Variants in TNR observed in about 807,000 individuals in gnomAD.
TNR encodes tenascin R.
A neutral mutation model predicts 150.4 loss-of-function variants in TNR; 45 were observed. The ratio of observed to expected loss-of-function variants is 0.30; its 90% confidence interval spans 0.24 to 0.38. The LOEUF is 0.38. Among genes scored for constraint, TNR ranks in the 10% least tolerant of loss-of-function variants. The pLI is 1.00. For missense variants in TNR, 1,544 were observed against 1,759.1 expected (o/e 0.88, Z 2.19); for synonymous variants, 687 against 678.4 (o/e 1.01, Z -0.20).
chr1:175,427,645 G>A (rs1655051866), intron 2 of TNR, among the ~76,000 whole-genome samples: 1 of 149,978 alleles, frequency 6.7e-6, no homozygotes, highest in Non-Finnish European at 1.5e-5. Flanking sequence ...ACAGGTATAT[G>A]AGAAGTGTTT....
chr1:175,396,933 T>C (rs1262683771), intron 4 of TNR, 126 bp from the exon 5 acceptor site: 2 of 1,260,710 alleles, frequency 1.6e-6, no homozygotes, highest in Non-Finnish European at 2.2e-6. Context: ...CTCAATGGCT[T>C]TAAGTGATTT....
In TNR at chr1:175,548,176, G is replaced by A. The variant is rs116369199; in HGVS notation, c.-164-19807C>T. 5.4e-3 allele frequency among the ~76,000 whole-genome samples: 822 copies of A among 152,190 alleles called. 3 individuals carry two copies. The highest frequency in any genetic ancestry group is 0.019 in the African/African-American group (782 of 41,502). On this transcript the variant is annotated intron_variant, in intron 1 of 22. Coordinates refer to ENST00000367674, the MANE Select transcript of TNR (RefSeq NM_003285.3). ...ACGCAGAGGCTCTGGGCACTTCTGC[G>A]GAGAGGAATCTCAGATCCTCCCTAG...
chr1:175,697,022 T>G (rs776583396), intron 1 of TNR, among the ~76,000 whole-genome samples: 3 of 150,590 alleles, frequency 2.0e-5, no homozygotes, highest in Non-Finnish European at 4.4e-5. Context: ...GAGTGTAGTT[T>G]GTGAATAACA....
At chr1:175,441,260 A>G (rs1487011838) in intron 2 of TNR, among the ~76,000 whole-genome samples, 1 of 152,100 alleles carries the variant, frequency 6.6e-6, no homozygotes, top group East Asian at 1.9e-4. Context: ...TTGGAGGTGT[A>G]ATTTCACTCT....
chr1:175,472,193 G>T (rs859409), intron 2 of TNR, among the ~76,000 whole-genome samples: 2,305 of 152,182 alleles, frequency 0.015, 58 homozygotes, highest in African/African-American at 0.052. Flanking sequence ...TCTATACAGG[G>T]TCAGGATCAT....
At chr1:175,581,644 C>T (rs1457914366) in intron 1 of TNR, among the ~76,000 whole-genome samples, 1 of 152,200 alleles carries the variant, frequency 6.6e-6, no homozygotes, top group Admixed American at 6.5e-5. Context: ...GACTTCACTA[C>T]AATGAAGCTT....
At chr1:175,713,618 C>G (rs909631008) in intron 1 of TNR, among the ~76,000 whole-genome samples, 1 of 152,192 alleles carries the variant, frequency 6.6e-6, no homozygotes, top group Admixed American at 6.5e-5. Context: ...TCAATCATCA[C>G]CAAAACCCAG....
In TNR at chr1:175,396,634, C is replaced by T; in HGVS notation, c.1150G>A (p.Glu384Lys). 1 of 1,614,244 alleles carries T rather than the reference C, an allele frequency of 6.2e-7. No individual in the cohort carries two copies. Among genetic ancestry groups the T allele is most frequent in the Non-Finnish European group, 8.5e-7 (1 of 1,180,048 alleles). Residue 384 changes from glutamate to lysine, a missense_variant, in exon 5 of 23, where the codon GAG becomes AAG. Glu to Lys is a moderately conservative substitution (Grantham distance 56). This residue lies in a region of TNR where 1,254 missense variants were observed against 1,329.4 expected (regional missense o/e 0.94). Coordinates refer to ENST00000367674, the MANE Select transcript of TNR (RefSeq NM_003285.3). ...TTGTAGGTGAGACCTGGCTCCAGCTCCGTGATGGTGACACCACTCCAATCT... is the reference window on the plus strand; with the variant it reads ...TTGTAGGTGAGACCTGGCTCCAGCTTCGTGATGGTGACACCACTCCAATCT... The part of the protein sequence containing the change: ...PGDWSGVTIT[E>K]LEPGLTYNIS...
intron 2 of TNR, among the ~76,000 whole-genome samples, chr1:175,469,765 G>C (rs1010043009): frequency 1.3e-5 from 2 of 151,984 alleles, no homozygotes; most frequent in Non-Finnish European, 2.9e-5. Context: ...GGGAGACCTG[G>C]GTTTTAGACT....
chr1:175,492,802 G>A (rs941829514), intron 2 of TNR, among the ~76,000 whole-genome samples: 3 of 152,120 alleles, frequency 2.0e-5, no homozygotes, highest in African/African-American at 4.8e-5. Flanking sequence ...ATTAGTACAT[G>A]GGGTTCATTG....
intron 2 of TNR, among the ~76,000 whole-genome samples, chr1:175,456,032 T>A (rs983631349): frequency 2.0e-5 from 3 of 152,206 alleles, no homozygotes; most frequent in African/African-American, 7.2e-5. Flanking sequence ...CTCACCTACG[T>A]GCCAGCTCTA....
At chr1:175,733,800 G>A (rs1003452327) in intron 1 of TNR, among the ~76,000 whole-genome samples, 5 of 152,138 alleles carry the variant, frequency 3.3e-5, no homozygotes, top group East Asian at 1.9e-4. Context: ...TAAGCCCTTG[G>A]CATGATTTGC....
chr1:175,504,047 C>T (rs1448202697), intron 2 of TNR, among the ~76,000 whole-genome samples: 1 of 152,186 alleles, frequency 6.6e-6, no homozygotes, highest in Non-Finnish European at 1.5e-5. Context: ...ACGAAGAAGG[C>T]TGATGCCCAG....
chr1:175,429,931 T>C (rs767921985), intron 2 of TNR, among the ~76,000 whole-genome samples: 2 of 152,234 alleles, frequency 1.3e-5, no homozygotes, highest in Admixed American at 6.5e-5. Flanking sequence ...ACATTGCTAA[T>C]TGATCACAGC....
At chr1:175,546,504 T>C (rs1023392175) in intron 1 of TNR, among the ~76,000 whole-genome samples, 1 of 152,168 alleles carries the variant, frequency 6.6e-6, no homozygotes, top group African/African-American at 2.4e-5. Context: ...ATGTGGAACT[T>C]CCCTCCAACC....
intron 1 of TNR, among the ~76,000 whole-genome samples, chr1:175,548,104 T>C (rs995688403): frequency 2.0e-5 from 3 of 152,158 alleles, no homozygotes; most frequent in African/African-American, 4.8e-5. Flanking sequence ...GTTGAGTCCA[T>C]GGTGGACCAG....
chr1:175,496,214 T>A (rs917241181), intron 2 of TNR, among the ~76,000 whole-genome samples: 1 of 152,212 alleles, frequency 6.6e-6, no homozygotes, highest in Non-Finnish European at 1.5e-5. Context: ...CCTGCTATTT[T>A]AATACTCCAG....
intron 2 of TNR, among the ~76,000 whole-genome samples, chr1:175,515,955 G>C (rs990879056): frequency 6.6e-6 from 1 of 152,216 alleles, no homozygotes; most frequent in Non-Finnish European, 1.5e-5. Flanking sequence ...GAAGGTTCTT[G>C]TTGGTGGCTG....
intron 1 of TNR, among the ~76,000 whole-genome samples, chr1:175,675,033 A>T (rs1665817381): frequency 6.6e-6 from 1 of 152,182 alleles, no homozygotes; most frequent in Non-Finnish European, 1.5e-5. Context: ...TTGCAAAATG[A>T]CTATTGAGCT....
Sources: gnomAD v4.1 joint callset for allele counts (sites outside exome capture counted in the v4.1 genomes callset) on GRCh38, gnomAD v4.1.1 for gene constraint, gnomAD v4.1.1 regional missense constraint, MANE v1.5 for transcripts, NCBI Gene and HGNC (gene_info 2026-07-23, HGNC 2026-07-21) for gene names.